The following CDH19 variants were observed in gnomAD, a reference collection of about 807,000 sequenced individuals.
CDH19 encodes cadherin-19.
Under a neutral mutation model 64.2 loss-of-function variants are expected in CDH19, and 67 were observed. That is an observed-to-expected ratio of 1.04 (90% CI 0.86 to 1.28). The LOEUF is 1.28. Ranked by LOEUF, CDH19 falls within the 50% of genes most tolerant of loss-of-function variation. The probability of loss-of-function intolerance (pLI) is 0.00; values close to 1 mark genes in which losing one functional copy is unlikely to be tolerated. For missense variants in CDH19, 1,030 were observed against 929.0 expected, an observed-to-expected ratio of 1.11 and a Z score of -1.41; for synonymous variants, 346 against 319.3, an observed-to-expected ratio of 1.08 and a Z score of -0.89.
At chr18:66,570,787 T>TA (rs1441584884) in intron 2 of CDH19, among the ~76,000 whole-genome samples, 7 of 151,292 alleles carry the variant, frequency 4.6e-5, no homozygotes, top group Non-Finnish European at 1.0e-4. Flanking sequence ...ATGTGGGGAG[T>TA]AGAAACAAAC....
intron 3 of CDH19, among the ~76,000 whole-genome samples, chr18:66,558,079 G>GGTTGCAGTGTTCAGACATAGCGCC (rs1987585970): frequency 6.6e-6 from 1 of 151,012 alleles, no homozygotes; most frequent in South Asian, 2.1e-4. Flanking sequence ...GCCTTGCAGA[G>GGTTGCAGTGTTCAGACATAGCGCC]GTTGCAGTGT....
At position 66,588,521 on chromosome 18, in the gene CDH19, G is replaced by C. The variant is rs1321646195; in HGVS notation, c.-113+15433C>G. 2.0e-5 allele frequency among the ~76,000 whole-genome samples: 3 copies of C among 150,352 alleles called. No individual in the cohort carries two copies. The Admixed American group carries it at 2.0e-4, about 10-fold the overall frequency. ...TTTGTTTTGCCAACATTCATTTCTT[G>C]ATTTAACCCATCACCACAACTGCCA... On this transcript the variant is annotated intron_variant, in intron 1 of 11. Transcript: ENST00000262150.
At position 66,546,670 on chromosome 18, in the gene CDH19, G is replaced by T. The variant is rs567024723; in HGVS notation, c.776-1767C>A. ...TAAAACAGACAGTAAATAAGATACT[G>T]GTATATAAGAAGGTAGTATTCTGGT... On this transcript the variant is annotated intron_variant, in intron 5 of 11. Coordinates refer to ENST00000262150, the MANE Select transcript of CDH19 (RefSeq NM_021153.4). 2.3e-4 allele frequency among the ~76,000 whole-genome samples: 35 copies of T among 152,106 alleles called. 1 individual carries two copies. The highest frequency in any genetic ancestry group is 2.1e-3 in the East Asian group (11 of 5,162).
chr18:66,565,972 A>G (rs1209506553), intron 3 of CDH19, among the ~76,000 whole-genome samples: 5 of 151,976 alleles, frequency 3.3e-5, no homozygotes, highest in African/African-American at 1.2e-4. Context: ...TGCAATGCAC[A>G]AAGAGATTTG....
chr18:66,586,213 G>C (rs1438142824), intron 1 of CDH19, among the ~76,000 whole-genome samples: 1 of 152,004 alleles, frequency 6.6e-6, no homozygotes. Context: ...ATATTGAGTA[G>C]GCGTGGCCAA....
rs908860942 is a variant in CDH19, at chr18:66,553,690, A to G, written c.610+715T>C. On this transcript the variant is annotated intron_variant, in intron 4 of 11. Coordinates refer to ENST00000262150, the MANE Select transcript of CDH19 (RefSeq NM_021153.4). Reference sequence around the variant, plus strand: ...ATATATTTTTTCAGTGGAGACTATAATCTTCTAAAGGAAAAAAAATTACAT... The same window carrying G: ...ATATATTTTTTCAGTGGAGACTATAGTCTTCTAAAGGAAAAAAAATTACAT... Among the ~76,000 whole-genome samples the G allele has an allele frequency of 2.3e-5, 3 of 133,250 alleles. 1 individual carries two copies. The highest frequency in any genetic ancestry group is 4.6e-5 in the Non-Finnish European group (3 of 65,396). 87.4% of individuals were successfully genotyped at this position (133,250 alleles called of 152,430 possible).
At chr18:66,576,160 T>TA (rs1421422253) in intron 1 of CDH19, among the ~76,000 whole-genome samples, 4 of 151,232 alleles carry the variant, frequency 2.6e-5, no homozygotes, top group Non-Finnish European at 1.5e-5. Flanking sequence ...GAAAAAAACA[T>TA]ACAAGTAGCA....
At chr18:66,515,165 T>C (rs1985680464) in intron 9 of CDH19, among the ~76,000 whole-genome samples, 1 of 151,692 alleles carries the variant, frequency 6.6e-6, no homozygotes, top group Admixed American at 6.6e-5. Context: ...TTGTAATAAA[T>C]GAATATCTGG....
chr18:66,521,982 T>C (rs912061323), intron 9 of CDH19, among the ~76,000 whole-genome samples: 2 of 151,868 alleles, frequency 1.3e-5, no homozygotes, highest in African/African-American at 4.8e-5. Flanking sequence ...AGTTTCTCTC[T>C]GTCGCCCAGG....
chr18:66,526,225 T>A (rs1986214731), intron 9 of CDH19, among the ~76,000 whole-genome samples: 1 of 152,106 alleles, frequency 6.6e-6, no homozygotes, highest in African/African-American at 2.4e-5. Context: ...TTGAGAAAGT[T>A]CCCTAAGTTA....
At position 66,568,434 on chromosome 18, in the gene CDH19, G is replaced by A. The variant is rs765956502; in HGVS notation, c.472C>T (p.Pro158Ser). 8 of 1,610,674 alleles carry A rather than the reference G, an allele frequency of 5.0e-6. No individual in the cohort carries two copies. Among genetic ancestry groups the A allele is most frequent in the Non-Finnish European group, 6.8e-6 (8 of 1,177,892 alleles). The change falls in exon 3 of 12, where the codon CCA (proline) becomes TCA (serine). Residue 158 changes from proline (P) to serine (S), a missense_variant. By Grantham distance (74) the Pro-to-Ser change is moderately conservative. Transcript: ENST00000262150. The stretch of plus-strand genomic sequence containing the variant: ...GCAATACCTTCTGGAGACATCTCTG[G>A]TACAATGGCCTCATAAGGTTCATCT... ...FLDEPYEAIVPEMSPEGTLVI... is the reference protein window; with the variant it reads ...FLDEPYEAIVSEMSPEGTLVI...
rs115089384 is a variant in CDH19, at chr18:66,529,284, T to C, written c.1458+561A>G. ...AACATTCTGGTGTATTTTCCCTCCA[T>C]ATGTTTATGTTTATGTCTCATTTTA... On this transcript the variant is annotated intron_variant, in intron 9 of 11. Transcript: ENST00000262150. Among the ~76,000 whole-genome samples, 849 of 151,586 alleles carry C rather than the reference T, an allele frequency of 5.6e-3. 11 individuals carry two copies. Among genetic ancestry groups the C allele is most frequent in the African/African-American group, 0.019 (792 of 41,430 alleles).
intron 9 of CDH19, among the ~76,000 whole-genome samples, chr18:66,515,538 A>G (rs924039877): frequency 6.6e-6 from 1 of 151,794 alleles, no homozygotes; most frequent in Non-Finnish European, 1.5e-5. Context: ...TCATTATAGC[A>G]TAATATTTTA....
chr18:66,512,848 T>C (rs551449844), intron 9 of CDH19, among the ~76,000 whole-genome samples: 1 of 151,576 alleles, frequency 6.6e-6, no homozygotes, highest in South Asian at 2.1e-4. Flanking sequence ...GGCTTTGCCA[T>C]TTAGAAGTTT....
At position 66,601,634 on chromosome 18, in the gene CDH19, C is replaced by T. The variant is rs539221458; in HGVS notation, c.-113+2320G>A. 7.9e-5 allele frequency among the ~76,000 whole-genome samples: 12 copies of T among 151,988 alleles called. No homozygotes were observed. The South Asian group carries it at 2.5e-3, about 32-fold the overall frequency. On this transcript the variant is annotated intron_variant, in intron 1 of 11. Transcript: ENST00000262150. ...TATAATTATTGAGTAATTAATGTGA[C>T]ACATTTTGACAAAGGTATGTATTCT...
At chr18:66,580,700 A>C in intron 1 of CDH19, among the ~76,000 whole-genome samples, 1 of 152,230 alleles carries the variant, frequency 6.6e-6, no homozygotes, top group Middle Eastern at 3.4e-3. Context: ...TTCTCAATTC[A>C]ATTTAAAGTT....
intron 3 of CDH19, among the ~76,000 whole-genome samples, chr18:66,556,420 T>G (rs1213213708): frequency 1.3e-5 from 2 of 151,702 alleles, no homozygotes; most frequent in Non-Finnish European, 2.9e-5. Context: ...CTTACATACC[T>G]CCATTTCCTC....
At chr18:66,512,201 A>C (rs146126350) in intron 9 of CDH19, among the ~76,000 whole-genome samples, 284 of 151,712 alleles carry the variant, frequency 1.9e-3, no homozygotes, top group African/African-American at 6.3e-3. Context: ...AATGTACATG[A>C]TTTCCTTTGA....
rs138493909 is a variant in CDH19 at position 66,554,461 on chromosome 18, C to G, written c.554G>C (p.Arg185Pro). 6.2e-7 allele frequency: 1 copy of G among 1,611,402 alleles called. No homozygotes were observed. The highest frequency in any genetic ancestry group is 2.2e-5 in the East Asian group (1 of 44,788). The change falls in exon 4 of 12, where the codon CGT becomes CCT. Residue 185 changes from arginine to proline, a missense_variant. By Grantham distance (103) the Arg-to-Pro change is moderately radical. Coordinates refer to ENST00000262150, the MANE Select transcript of CDH19 (RefSeq NM_021153.4). ...GCCTTGAAGTAAGCTGTAGAGGAGA[C>G]GAGCATTATTACCACTTGAGGGATC... is the stretch of plus-strand genomic sequence containing the variant. ...ADDPSSGNNA[R>P]LLYSLLQGQP...
Sources: gnomAD v4.1 joint callset for allele counts (sites outside exome capture counted in the v4.1 genomes callset) on GRCh38, gnomAD v4.1.1 for gene constraint, MANE v1.5 for transcripts, NCBI Gene and HGNC (gene_info 2026-07-23, HGNC 2026-07-21) for gene names.